The following NCAM1 variants were observed in gnomAD, a reference collection of about 807,000 sequenced individuals.
NCAM1 encodes the protein neural cell adhesion molecule 1.
In NCAM1, 14 loss-of-function variants were observed where a neutral mutation model predicts 109.8. The observed-to-expected ratio is 0.13, with a 90% confidence interval of 0.08 to 0.20. The LOEUF (loss-of-function observed/expected upper bound fraction) is 0.20. NCAM1 is among the 10% of genes least tolerant of loss of function. The probability of loss-of-function intolerance (pLI) is 1.00; values close to 1 mark genes in which losing one functional copy is unlikely to be tolerated. For synonymous variants in NCAM1, 418 were observed against 442.9 expected (o/e 0.94, Z 0.70); for missense variants, 774 against 1,109.9 (o/e 0.70, Z 4.30).
intron 1 of NCAM1, among the ~76,000 whole-genome samples, chr11:113,161,157 A>T (rs1196043986): frequency 6.6e-6 from 1 of 152,222 alleles, no homozygotes; most frequent in South Asian, 2.1e-4. Context: ...GCCACCTAGG[A>T]GAAAAGAGAG....
At chr11:113,271,199 G>A (rs907371169) in intron 18 of NCAM1, among the ~76,000 whole-genome samples, 2 of 151,622 alleles carry the variant, frequency 1.3e-5, no homozygotes, top group African/African-American at 4.8e-5. Context: ...GCGAAGCCCC[G>A]CCTCTACTAA....
At chr11:113,026,480 C>A (rs1952550276) in intron 1 of NCAM1, among the ~76,000 whole-genome samples, 1 of 152,148 alleles carries the variant, frequency 6.6e-6, no homozygotes, top group African/African-American at 2.4e-5. Context: ...GGGACATGTG[C>A]CATCAGCCTT....
At chr11:113,128,808 C>T (rs756445628) in intron 1 of NCAM1, among the ~76,000 whole-genome samples, 2 of 151,746 alleles carry the variant, frequency 1.3e-5, no homozygotes, top group Non-Finnish European at 2.9e-5. Context: ...TGGGCATGGG[C>T]GTGGGGGTAC....
In NCAM1 at chr11:113,277,688, T is replaced by C. The variant is rs1591482414; in HGVS notation, c.*2301T>C. On this transcript the variant is annotated 3_prime_UTR_variant, in exon 20 of 20. Transcript: ENST00000316851. ...GTCAAACTGGTTTTGGTTCTGATGG[T>C]TAGGAAGAAACAGGTCAGCCCTCAG... 1 of 348,076 alleles carries C rather than the reference T, an allele frequency of 2.9e-6. No individual in the cohort carries two copies. The highest frequency in any genetic ancestry group is 5.1e-6 in the Non-Finnish European group (1 of 194,430). 21.6% of individuals were successfully genotyped at this position (348,076 alleles called of 1,614,324 possible). A position where few individuals can be genotyped will look rare whatever the true frequency, so the allele number is the denominator to read the frequency against.
intron 14 of NCAM1, 35 bp downstream of exon 14, chr11:113,235,199 C>G: frequency 6.2e-7 from 1 of 1,613,710 alleles, no homozygotes; most frequent in South Asian, 1.1e-5. Flanking sequence ...TTTCCCAGCC[C>G]ACCTTCTTCT....
intron 1 of NCAM1, among the ~76,000 whole-genome samples, chr11:113,034,563 C>G (rs1300120742): frequency 1.3e-5 from 2 of 151,794 alleles, no homozygotes; most frequent in African/African-American, 4.9e-5. Flanking sequence ...TTTTCTTCTT[C>G]TTTCACTGCT....
intron 1 of NCAM1, among the ~76,000 whole-genome samples, chr11:112,991,016 C>T (rs1375708029): frequency 6.6e-6 from 1 of 152,164 alleles, no homozygotes; most frequent in African/African-American, 2.4e-5. Context: ...CTACGTGCAT[C>T]TGTTCCACCA....
intron 1 of NCAM1, among the ~76,000 whole-genome samples, chr11:113,113,560 T>C (rs1940544515): frequency 6.6e-6 from 1 of 152,216 alleles, no homozygotes; most frequent in African/African-American, 2.4e-5. Flanking sequence ...GTCCCATCAA[T>C]AGGCTCTCAG....
chr11:113,242,966 A>T (rs2137398255), intron 14 of NCAM1: 2 of 1,566,106 alleles, frequency 1.3e-6, no homozygotes, highest in East Asian at 2.3e-5. Flanking sequence ...TTGTGAATGC[A>T]TGAAGGCTCC....
chr11:113,135,485 AC>A (rs1941565052), intron 1 of NCAM1, among the ~76,000 whole-genome samples: 2 of 152,110 alleles, frequency 1.3e-5, no homozygotes, highest in Non-Finnish European at 2.9e-5. Context: ...AGATGCGCCC[AC>A]TGTTCAGCTT....
chr11:113,082,906 G>A, intron 1 of NCAM1, among the ~76,000 whole-genome samples: 1 of 152,220 alleles, frequency 6.6e-6, no homozygotes, highest in Non-Finnish European at 1.5e-5. Flanking sequence ...CTATAGTACT[G>A]TGAGGAGGGC....
At chr11:113,001,503 T>C (rs1356246979) in intron 1 of NCAM1, among the ~76,000 whole-genome samples, 5 of 152,216 alleles carry the variant, frequency 3.3e-5, no homozygotes, top group Non-Finnish European at 7.3e-5. Context: ...ACAACAGTGC[T>C]CATTTTCTAG....
In NCAM1 at chr11:113,098,184, C is replaced by T. The variant is rs532235803; in HGVS notation, c.53-104195C>T. 4.6e-5 allele frequency among the ~76,000 whole-genome samples: 7 copies of T among 152,246 alleles called. No homozygotes were observed. In the South Asian group the frequency reaches 1.5e-3, roughly 32 times the overall value. On this transcript the variant is annotated intron_variant, in intron 1 of 19. Coordinates refer to ENST00000316851, the MANE Select transcript of NCAM1 (RefSeq NM_181351.5). ...GACACAGGTACTTGGTCTCATGGAA[C>T]TTCATTCTAACAGGAGGAGCATGGA...
At chr11:113,097,684 G>A (rs1220086849) in intron 1 of NCAM1, among the ~76,000 whole-genome samples, 1 of 150,292 alleles carries the variant, frequency 6.7e-6, no homozygotes, top group Non-Finnish European at 1.5e-5. Context: ...AATTGTTAGT[G>A]AAAGCAATTA....
rs375725108 is a variant in NCAM1 at position 113,264,482 on chromosome 11, G to T, written c.2131+4159G>T. ...TCTCCCCGCTGGAGTCCCAGATGGC[G>T]CTTCACACCAGGGCAGTGGAGGCAG... is the stretch of plus-strand genomic sequence containing the variant. On this transcript the variant is annotated intron_variant, in intron 17 of 19. Coordinates refer to ENST00000316851, the MANE Select transcript of NCAM1 (RefSeq NM_181351.5). The T allele has an allele frequency of 4.8e-5, 47 of 985,700 alleles. No individual in the cohort carries two copies. In the East Asian group the frequency reaches 1.5e-3, roughly 31 times the overall value. 61.1% of individuals were successfully genotyped at this position (985,700 alleles called of 1,614,324 possible).
At chr11:113,271,165 T>A (rs570246713) in intron 18 of NCAM1, among the ~76,000 whole-genome samples, 133 of 151,110 alleles carry the variant, frequency 8.8e-4, no homozygotes, top group African/African-American at 2.8e-3. Flanking sequence ...AGGTCAGGAG[T>A]TGGAGACCAG....
intron 1 of NCAM1, among the ~76,000 whole-genome samples, chr11:112,998,804 T>G (rs1437918524): frequency 6.6e-6 from 1 of 152,192 alleles, no homozygotes; most frequent in Non-Finnish European, 1.5e-5. Flanking sequence ...CTTTTTTACT[T>G]TCTCATCCAG....
At chr11:113,116,392 G>T (rs114321917) in intron 1 of NCAM1, among the ~76,000 whole-genome samples, 151 of 152,256 alleles carry the variant, frequency 9.9e-4, no homozygotes, top group African/African-American at 3.4e-3. Context: ...AGGCTGCAGT[G>T]CTTTCTCCAA....
At chr11:113,160,187 T>C (rs1449684256) in intron 1 of NCAM1, among the ~76,000 whole-genome samples, 2 of 152,126 alleles carry the variant, frequency 1.3e-5, no homozygotes, top group East Asian at 1.9e-4. Flanking sequence ...CAGGCCCTGC[T>C]GAGCTTCCTA....
Sources: gnomAD v4.1 joint callset for allele counts (sites outside exome capture counted in the v4.1 genomes callset) on GRCh38, gnomAD v4.1.1 for gene constraint, MANE v1.5 for transcripts, NCBI Gene and HGNC (gene_info 2026-07-23, HGNC 2026-07-21) for gene names.